Variants in STPG2 observed in about 807,000 individuals in gnomAD.
STPG2 encodes sperm tail PG-rich repeat containing 2.
STPG2 carries 56 observed loss-of-function variants against 54.2 expected under a neutral mutation model. That is an observed-to-expected ratio of 1.03 (90% CI 0.83 to 1.29). The LOEUF (loss-of-function observed/expected upper bound fraction) is 1.29, where lower values mean the gene tolerates loss of function less well. Ranked by LOEUF, STPG2 falls within the 50% of genes most tolerant of loss-of-function variation. The probability of loss-of-function intolerance (pLI) is 0.00; values close to 1 mark genes in which losing one functional copy is unlikely to be tolerated. For missense variants in STPG2, 596 were observed against 544.9 expected (o/e 1.09, Z -0.93); for synonymous variants, 200 against 181.8 (o/e 1.10, Z -0.81).
At chr4:98,028,062 T>A (rs1736481292) in intron 5 of STPG2, among the ~76,000 whole-genome samples, 2 of 152,130 alleles carry the variant, frequency 1.3e-5, no homozygotes, top group Non-Finnish European at 2.9e-5. Flanking sequence ...GCTGAAGGGA[T>A]CCATGAGTCA....
At chr4:97,466,011 T>G (rs1474564566) in intron 4 of STPG2, among the ~76,000 whole-genome samples, 2 of 152,128 alleles carry the variant, frequency 1.3e-5, no homozygotes, top group East Asian at 3.8e-4. Context: ...AAAGAAAAAT[T>G]TGTTCAAAAC....
intron 10 of STPG2, among the ~76,000 whole-genome samples, chr4:97,561,623 T>C (rs1216211411): frequency 1.3e-5 from 2 of 152,208 alleles, no homozygotes; most frequent in Non-Finnish European, 2.9e-5. Flanking sequence ...TTAATTTTTG[T>C]ATAAGGGGTA....
intron 10 of STPG2, among the ~76,000 whole-genome samples, chr4:97,655,179 T>C (rs1722187915): frequency 6.6e-6 from 1 of 152,086 alleles, no homozygotes; most frequent in Non-Finnish European, 1.5e-5. Flanking sequence ...AGAAAATCTA[T>C]TGTGGTTAAA....
intron 4 of STPG2, among the ~76,000 whole-genome samples, chr4:97,543,761 C>G (rs1731772803): frequency 6.6e-6 from 1 of 151,760 alleles, no homozygotes; most frequent in African/African-American, 2.4e-5. Flanking sequence ...ATTATATGAC[C>G]CTTAATTTTG....
chr4:98,087,978 A>C (rs1225592185), intron 5 of STPG2, among the ~76,000 whole-genome samples: 2 of 152,242 alleles, frequency 1.3e-5, no homozygotes, highest in Admixed American at 1.3e-4. Context: ...GACCATAATA[A>C]TATAACATCA....
At chr4:97,528,475 C>A (rs1433133855) in intron 4 of STPG2, among the ~76,000 whole-genome samples, 1 of 152,088 alleles carries the variant, frequency 6.6e-6, no homozygotes, top group Non-Finnish European at 1.5e-5. Context: ...ATTGTCTTGG[C>A]TATAAGGGCT....
At chr4:97,706,617 GAA>G (rs1276846864) in intron 10 of STPG2, among the ~76,000 whole-genome samples, 1 of 152,160 alleles carries the variant, frequency 6.6e-6, no homozygotes, top group Non-Finnish European at 1.5e-5. Flanking sequence ...GACATAGAGA[GAA>G]TGGTAGTCTG....
chr4:97,519,659 A>G (rs1731142675), intron 4 of STPG2, among the ~76,000 whole-genome samples: 1 of 152,112 alleles, frequency 6.6e-6, no homozygotes, highest in Non-Finnish European at 1.5e-5. Flanking sequence ...TCAAGAATGT[A>G]CTAACTCAGT....
At chr4:97,952,898 A>T (rs930850591) in intron 7 of STPG2, among the ~76,000 whole-genome samples, 14 of 152,116 alleles carry the variant, frequency 9.2e-5, no homozygotes. Context: ...ACTTGGAGAT[A>T]CTGTAATGCA....
intron 9 of STPG2, among the ~76,000 whole-genome samples, chr4:97,779,046 C>T (rs1288623068): frequency 6.6e-6 from 1 of 152,198 alleles, no homozygotes; most frequent in Non-Finnish European, 1.5e-5. Flanking sequence ...CAAAGGAACA[C>T]AGCTCCTCAC....
intron 4 of STPG2, among the ~76,000 whole-genome samples, chr4:97,541,958 A>G (rs1268680770): frequency 2.6e-5 from 4 of 152,210 alleles, no homozygotes; most frequent in Non-Finnish European, 5.9e-5. Context: ...TACACCTTAT[A>G]CAAAAATTAA....
intron 3 of STPG2, among the ~76,000 whole-genome samples, chr4:98,120,325 T>G (rs1739643026): frequency 6.6e-6 from 1 of 152,104 alleles, no homozygotes; most frequent in South Asian, 2.1e-4. Flanking sequence ...ATGATCCACC[T>G]GCCTCGGCCT....
chr4:97,741,126 T>G (rs1578524351), intron 9 of STPG2, among the ~76,000 whole-genome samples: 1 of 152,300 alleles, frequency 6.6e-6, no homozygotes, highest in East Asian at 1.9e-4. Context: ...GATTCCCTAT[T>G]TAATAAATGC....
chr4:97,763,714 A>AG (rs1560518323), intron 9 of STPG2, among the ~76,000 whole-genome samples: 1 of 152,120 alleles, frequency 6.6e-6, no homozygotes, highest in Non-Finnish European at 1.5e-5. Context: ...AGGCCCATGG[A>AG]GGGAAACTAT....
rs145970465 is a variant in STPG2 at position 97,604,611 on chromosome 4, T to C, written c.1321-45494A>G. The stretch of plus-strand genomic sequence containing the variant: ...ACCCATAAGAAAAGAGCCCAATCTT[T>C]ACCGGTTCTCTCTAGTGTAAAAGCT... On this transcript the variant is annotated intron_variant, in intron 10 of 10. Transcript: ENST00000295268. Among the ~76,000 whole-genome samples, 628 of 151,874 alleles carry C rather than the reference T, an allele frequency of 4.1e-3. 3 individuals carry two copies. Among genetic ancestry groups the C allele is most frequent in the South Asian group, 0.02 (98 of 4,824 alleles).
intron 3 of STPG2, among the ~76,000 whole-genome samples, chr4:98,113,356 C>T (rs1369895449): frequency 6.6e-6 from 1 of 152,014 alleles, no homozygotes; most frequent in East Asian, 1.9e-4. Context: ...TATATGTCCT[C>T]TACATTGATA....
At chr4:97,740,627 A>G (rs1239457263) in intron 9 of STPG2, among the ~76,000 whole-genome samples, 1 of 152,184 alleles carries the variant, frequency 6.6e-6, no homozygotes, top group East Asian at 1.9e-4. Flanking sequence ...TTCAAAGAGA[A>G]TAAAATACCT....
intron 8 of STPG2, among the ~76,000 whole-genome samples, chr4:97,896,005 A>G (rs1730940458): frequency 6.6e-6 from 1 of 151,840 alleles, no homozygotes; most frequent in South Asian, 2.1e-4. Flanking sequence ...GTGTGACTTT[A>G]AAAGTTTTTC....
At chr4:97,477,497 G>A (rs1358877042) in intron 4 of STPG2, among the ~76,000 whole-genome samples, 1 of 128,012 alleles carries the variant, frequency 7.8e-6, no homozygotes, top group Non-Finnish European at 1.6e-5. Flanking sequence ...TTTTTTTTGA[G>A]ACTGACTCTC....
Sources: allele counts gnomAD v4.1 joint callset (sites outside exome capture counted in the v4.1 genomes callset), GRCh38; gene constraint gnomAD v4.1.1; transcripts MANE v1.5; gene names NCBI Gene and HGNC (gene_info 2026-07-23, HGNC 2026-07-21).